The following RSPO1 variants were observed in gnomAD, a reference collection of about 807,000 sequenced individuals.
The protein encoded by RSPO1 is R-spondin 1.
RSPO1 carries 18 observed loss-of-function variants against 26.0 expected under a neutral mutation model. That is an observed-to-expected ratio of 0.69 (90% CI 0.48 to 1.03). RSPO1 has a LOEUF of 1.03. RSPO1 is among the 50% of genes least tolerant of loss of function. The probability of loss-of-function intolerance (pLI) is 0.00; values close to 1 mark genes in which losing one functional copy is unlikely to be tolerated. For synonymous variants in RSPO1, 133 were observed against 137.4 expected (o/e 0.97, Z 0.22); for missense variants, 309 against 352.3 (o/e 0.88, Z 0.98).
chr1:37,631,594 G>T (rs936802361), intron 2 of RSPO1, among the ~76,000 whole-genome samples: 1 of 152,212 alleles, frequency 6.6e-6, no homozygotes, highest in African/African-American at 2.4e-5. Flanking sequence ...TTGAATATTG[G>T]TTCTGCTACT....
Position 37,617,200 on chromosome 1 carries a change from C to A in RSPO1, c.95-525G>T, listed in dbSNP as rs182096173. Reference sequence around the variant, plus strand: ...CTCCCCAGGGGACATTTGACAATGCCTAGAAAGCTTTTTGGTGATCACACC... The same window carrying A: ...CTCCCCAGGGGACATTTGACAATGCATAGAAAGCTTTTTGGTGATCACACC... On this transcript the variant is annotated intron_variant, in intron 3 of 6. Coordinates refer to ENST00000356545, the MANE Select transcript of RSPO1 (RefSeq NM_001242908.2). Among the ~76,000 whole-genome samples the A allele has an allele frequency of 2.0e-5, 3 of 152,274 alleles. No homozygotes were observed. In the East Asian group the frequency reaches 5.8e-4, roughly 29 times the overall value.
intron 3 of RSPO1, among the ~76,000 whole-genome samples, chr1:37,618,376 T>C (rs1644149416): frequency 6.6e-6 from 1 of 152,204 alleles, no homozygotes; most frequent in South Asian, 2.1e-4. Context: ...GTGAACTGCA[T>C]TTCCCAAGCA....
chr1:37,622,204 CACG>C (rs1644212943), intron 3 of RSPO1, among the ~76,000 whole-genome samples: 1 of 152,138 alleles, frequency 6.6e-6, no homozygotes, highest in East Asian at 1.9e-4. Flanking sequence ...GAGGCATCAA[CACG>C]ACAATTGCTT....
In RSPO1 at chr1:37,634,088, C is replaced by T. The variant is rs1027482113; in HGVS notation, c.-356+478G>A. Among the ~76,000 whole-genome samples, 1 of 152,190 alleles carries T rather than the reference C, an allele frequency of 6.6e-6. No individual in the cohort carries two copies. Among genetic ancestry groups the T allele is most frequent in the South Asian group, 2.1e-4 (1 of 4,832 alleles). On this transcript the variant is annotated intron_variant, in intron 1 of 6. Coordinates refer to ENST00000356545, the MANE Select transcript of RSPO1 (RefSeq NM_001242908.2). The surrounding 1 kb of genome is among the most constrained non-coding windows in gnomAD (Gnocchi z 4.7). The stretch of plus-strand genomic sequence containing the variant: ...CCAGACCCCGAGGGCCAGGGAGCCG[C>T]GCCACTTCGCTGCGCACCGGGGGCC...
chr1:37,619,352 C>T (rs894345058), intron 3 of RSPO1, among the ~76,000 whole-genome samples: 1 of 152,196 alleles, frequency 6.6e-6, no homozygotes, highest in African/African-American at 2.4e-5. Flanking sequence ...ACCCAGAGCT[C>T]AGGCTTCAGA....
chr1:37,619,891 G>A (rs1290453526), intron 3 of RSPO1, among the ~76,000 whole-genome samples: 1 of 151,996 alleles, frequency 6.6e-6, no homozygotes, highest in African/African-American at 2.4e-5. Flanking sequence ...GGGATTACAG[G>A]CACCTGCCAC....
chr1:37,613,862 C>A lies in RSPO1; in HGVS notation c.467G>T (p.Trp156Leu). ...CTGCTGCTTCTTGGAGCAGGGCCCC[C>A]ACGGAGACCACTCGCTCATTTCACA... is the stretch of plus-strand genomic sequence containing the variant. ...AQCEMSEWSP[W>L]GPCSKKQQLC... The change falls in exon 6 of 7, where the codon TGG (tryptophan) becomes TTG (leucine). Residue 156 changes from tryptophan (W) to leucine (L), a missense_variant. Coordinates refer to ENST00000356545, the MANE Select transcript of RSPO1 (RefSeq NM_001242908.2). The surrounding 1 kb of genome is among the most constrained non-coding windows in gnomAD (Gnocchi z 4.5). The A allele has an allele frequency of 1.2e-6, 2 of 1,614,144 alleles. No homozygotes were observed. The highest frequency in any genetic ancestry group is 1.7e-6 in the Non-Finnish European group (2 of 1,180,032).
chr1:37,631,587 A>G (rs1644362083), intron 2 of RSPO1, among the ~76,000 whole-genome samples: 1 of 152,176 alleles, frequency 6.6e-6, no homozygotes, highest in African/African-American at 2.4e-5. Flanking sequence ...CCTGGATTTG[A>G]ATATTGGTTC....
At chr1:37,630,358 C>A (rs1390940266) in intron 2 of RSPO1, among the ~76,000 whole-genome samples, 1 of 152,212 alleles carries the variant, frequency 6.6e-6, no homozygotes. Context: ...GCATGAGTGA[C>A]CCCTCAGCCT....
chr1:37,627,480 T>C (rs893616364), intron 3 of RSPO1, among the ~76,000 whole-genome samples: 1 of 152,028 alleles, frequency 6.6e-6, no homozygotes, highest in Non-Finnish European at 1.5e-5. Context: ...CAAAACTTTG[T>C]CTCTACTAAA....
At chr1:37,631,892 A>G (rs2148187702) in intron 2 of RSPO1, 1 of 152,308 alleles carries the variant, frequency 6.6e-6, no homozygotes, top group Middle Eastern at 3.4e-3. Flanking sequence ...ATTTATCTTT[A>G]TGGTTGATTG....
chr1:37,613,073 G>C lies in RSPO1; in HGVS notation c.626-152C>G, dbSNP rs1438968966. On this transcript the variant is annotated intron_variant, in intron 6 of 6. Transcript: ENST00000356545. This position sits in a 1 kb window ranked among gnomAD's most constrained non-coding sequence, Gnocchi z 4.5. ...TGCCTCTAGGTAGTTGGGTCATCGT[G>C]ACCTCCTCTGACAGCAGCCACTTCA... The C allele has an allele frequency of 1.2e-6, 1 of 812,782 alleles. No homozygotes were observed. The highest frequency in any genetic ancestry group is 2.0e-6 in the Non-Finnish European group (1 of 491,060). 50.3% of individuals were successfully genotyped at this position (812,782 alleles called of 1,614,324 possible).
intron 4 of RSPO1, among the ~76,000 whole-genome samples, chr1:37,615,158 A>G (rs1557430176): frequency 2.6e-5 from 4 of 152,138 alleles, no homozygotes; most frequent in Admixed American, 2.0e-4. Flanking sequence ...TTTAAGGACC[A>G]TGAGGACCAA....
At chr1:37,630,848 C>T (rs753157746) in intron 2 of RSPO1, among the ~76,000 whole-genome samples, 2 of 152,234 alleles carry the variant, frequency 1.3e-5, no homozygotes, top group Non-Finnish European at 2.9e-5. Context: ...CACACACACC[C>T]ACACCACAAC....
At chr1:37,616,822 C>G in intron 3 of RSPO1, 147 bp from the exon 4 acceptor site, 1 of 765,492 alleles carries the variant, frequency 1.3e-6, no homozygotes, top group Admixed American at 2.0e-5. Context: ...GCTGGCAGCT[C>G]TCTGCAAGGC....
At position 37,626,051 on chromosome 1, in the gene RSPO1, C is replaced by A. The variant is rs117385212; in HGVS notation, c.94+3517G>T. Among the ~76,000 whole-genome samples, 7 of 152,266 alleles carry A rather than the reference C, an allele frequency of 4.6e-5. No homozygotes were observed. The East Asian group carries it at 7.7e-4, about 17-fold the overall frequency. On this transcript the variant is annotated intron_variant, in intron 3 of 6. Coordinates refer to ENST00000356545, the MANE Select transcript of RSPO1 (RefSeq NM_001242908.2). ...TTTTTCTTACCTGGGCTGTTTGCTTCCCGCCTCAAGCCACCTCCCCCACCC... is the reference window on the plus strand; with the variant it reads ...TTTTTCTTACCTGGGCTGTTTGCTTACCGCCTCAAGCCACCTCCCCCACCC...
chr1:37,627,711 T>C (rs1448054958), intron 3 of RSPO1, among the ~76,000 whole-genome samples: 1 of 152,098 alleles, frequency 6.6e-6, no homozygotes, highest in Non-Finnish European at 1.5e-5. Context: ...TATATACCTA[T>C]TATCTCATGT....
chr1:37,630,913 T>G (rs1360318578), intron 2 of RSPO1, among the ~76,000 whole-genome samples: 2 of 152,190 alleles, frequency 1.3e-5, no homozygotes, highest in Admixed American at 6.5e-5. Context: ...AGCCATCACC[T>G]TCCCCTCCAG....
At position 37,629,837 on chromosome 1, in the gene RSPO1, T is replaced by C; in HGVS notation, c.-176A>G. 1.3e-6 allele frequency: 2 copies of C among 1,550,954 alleles called. No individual in the cohort carries two copies. Among genetic ancestry groups the C allele is most frequent in the Non-Finnish European group, 1.7e-6 (2 of 1,146,856 alleles). ...GACAGAGAGGGTGTGGGGAGCCCAG[T>C]TCTCCATCAGCTCAAAGGGAGGTCC... On this transcript the variant is annotated 5_prime_UTR_variant, in exon 3 of 7. Coordinates refer to ENST00000356545, the MANE Select transcript of RSPO1 (RefSeq NM_001242908.2).
Sources: gnomAD v4.1 joint callset for allele counts (sites outside exome capture counted in the v4.1 genomes callset) on GRCh38, gnomAD v4.1.1 for gene constraint, Gnocchi (gnomAD v3.1) non-coding constraint, MANE v1.5 for transcripts, NCBI Gene and HGNC (gene_info 2026-07-23, HGNC 2026-07-21) for gene names.